GSE1: variants seen among roughly 807,000 people sequenced by gnomAD.
GSE1 encodes Gse1 coiled-coil protein.
GSE1 carries 32 observed loss-of-function variants against 112.6 expected under a neutral mutation model. The observed-to-expected ratio is 0.28, with a 90% confidence interval of 0.21 to 0.38. The LOEUF is 0.38. Ranked by LOEUF, GSE1 falls within the 10% of genes least tolerant of loss-of-function variation. GSE1 has a pLI of 1.00. For synonymous variants in GSE1, 1,115 were observed against 735.6 expected, an observed-to-expected ratio of 1.52 and a Z score of -8.35; for missense variants, 2,348 against 1,699.2, an observed-to-expected ratio of 1.38 and a Z score of -6.71.
intron 2 of GSE1, among the ~76,000 whole-genome samples, chr16:85,430,128 T>C (rs549110979): frequency 5.3e-5 from 8 of 152,340 alleles, no homozygotes; most frequent in South Asian, 4.1e-4. Context: ...CTAGCACTTT[T>C]TGAGCACTTA....
intron 2 of GSE1, among the ~76,000 whole-genome samples, chr16:85,442,490 C>T (rs2049401762): frequency 6.6e-6 from 1 of 151,892 alleles, no homozygotes; most frequent in African/African-American, 2.4e-5. Flanking sequence ...AGAGGGGAGC[C>T]TCGGGCAGGC....
chr16:85,395,000 G>A (rs2047934100), intron 2 of GSE1, among the ~76,000 whole-genome samples: 1 of 152,134 alleles, frequency 6.6e-6, no homozygotes, highest in African/African-American at 2.4e-5. Flanking sequence ...GATGGACAAA[G>A]ACATATAGGA....
chr16:85,186,073 G>A (rs1204337140), intron 1 of GSE1, among the ~76,000 whole-genome samples: 1 of 152,184 alleles, frequency 6.6e-6, no homozygotes, highest in African/African-American at 2.4e-5. Context: ...AGTCACCACT[G>A]ATACTGTTCT....
chr16:85,537,280 C>A (rs978596954), intron 2 of GSE1, among the ~76,000 whole-genome samples: 1 of 152,184 alleles, frequency 6.6e-6, no homozygotes, highest in Non-Finnish European at 1.5e-5. Context: ...TGAAGAGGAG[C>A]CGATCCTGAT....
chr16:85,583,313 C>G (rs979765587), intron 1 of GSE1: 1 of 152,662 alleles, frequency 6.6e-6, no homozygotes, highest in Middle Eastern at 3.3e-3. Flanking sequence ...GCTCTGCCAG[C>G]AGCCCCTGGT....
chr16:85,279,849 C>G (rs1472865095), intron 1 of GSE1, among the ~76,000 whole-genome samples: 1 of 152,164 alleles, frequency 6.6e-6, no homozygotes, highest in Non-Finnish European at 1.5e-5. Flanking sequence ...TTTCAAGAGC[C>G]GCCCATTTCC....
rs916965941 is a variant in GSE1, at chr16:85,671,032, T to C, written c.3453T>C (p.Cys1151=). Residue 1151 remains cysteine, a synonymous_variant, in exon 15 of 16, where the codon TGT becomes TGC. Coordinates refer to ENST00000253458, the MANE Select transcript of GSE1 (RefSeq NM_014615.5). ...NLERQVLQTQ[C]RRLEARHYSL... is the part of the protein sequence containing the mutation. ...AGCGGCAGGTGTTACAGACACAATG[T>C]AGACGACTGGAGGCCCGGCACTACA... 3.1e-6 allele frequency: 5 copies of C among 1,612,652 alleles called. No homozygotes were observed. Among genetic ancestry groups the C allele is most frequent in the South Asian group, 2.2e-5 (2 of 91,050 alleles).
intron 1 of GSE1, among the ~76,000 whole-genome samples, chr16:85,346,543 G>T (rs2046743745): frequency 6.6e-6 from 1 of 151,688 alleles, no homozygotes; most frequent in South Asian, 2.1e-4. Context: ...ATGATAGGCG[G>T]GTGGATGGGT....
chr16:85,472,300 G>A (rs1036801864), intron 2 of GSE1, among the ~76,000 whole-genome samples: 2 of 152,194 alleles, frequency 1.3e-5, no homozygotes, highest in African/African-American at 4.8e-5. Context: ...GCGCAGGGCT[G>A]TGCTCCCTCT....
At chr16:85,365,558 C>T (rs560437582) in intron 2 of GSE1, among the ~76,000 whole-genome samples, 1 of 152,290 alleles carries the variant, frequency 6.6e-6, no homozygotes, top group South Asian at 2.1e-4. Context: ...TCTCTTGGAG[C>T]TTGGGGAGCG....
At chr16:85,599,166 C>A (rs1483625836) in intron 1 of GSE1, among the ~76,000 whole-genome samples, 2 of 152,210 alleles carry the variant, frequency 1.3e-5, no homozygotes, top group Non-Finnish European at 1.5e-5. Flanking sequence ...AGTTACCCGG[C>A]GCTTCCTGGA....
intron 1 of GSE1, among the ~76,000 whole-genome samples, chr16:85,628,206 C>A (rs1054121420): frequency 6.6e-6 from 1 of 152,258 alleles, no homozygotes; most frequent in East Asian, 1.9e-4. Context: ...TACTGAGGAG[C>A]AGCGCTAATT....
At chr16:85,231,173 G>A (rs1219072026) in intron 1 of GSE1, among the ~76,000 whole-genome samples, 1 of 151,268 alleles carries the variant, frequency 6.6e-6, no homozygotes, top group African/African-American at 2.4e-5. Flanking sequence ...AGGACAGATG[G>A]ATGGATGGAT....
intron 1 of GSE1, among the ~76,000 whole-genome samples, chr16:85,192,164 A>C (rs550038651): frequency 3.9e-4 from 60 of 152,360 alleles, no homozygotes; most frequent in Non-Finnish European, 7.1e-4. Context: ...GGGTGGGACC[A>C]TGCTGTACAT....
chr16:85,461,510 G>T (rs555967502), intron 2 of GSE1, among the ~76,000 whole-genome samples: 2 of 152,166 alleles, frequency 1.3e-5, no homozygotes, highest in Admixed American at 6.5e-5. Flanking sequence ...CCACGCAAGG[G>T]GGGGAGGGGG....
intron 2 of GSE1, among the ~76,000 whole-genome samples, chr16:85,402,008 C>T (rs1474626897): frequency 2.6e-5 from 4 of 152,244 alleles, no homozygotes; most frequent in Admixed American, 2.6e-4. Context: ...AGCTGCGCTC[C>T]ATGCCAGGTT....
chr16:85,185,998 CAGATGAGAGT>C (rs1417992033), intron 1 of GSE1, among the ~76,000 whole-genome samples: 1 of 152,208 alleles, frequency 6.6e-6, no homozygotes, highest in East Asian at 1.9e-4. Context: ...TACTGTGTGC[CAGATGAGAGT>C]AGATGGAAGC....
intron 2 of GSE1, among the ~76,000 whole-genome samples, chr16:85,390,799 C>G (rs1422267603): frequency 1.3e-5 from 2 of 151,570 alleles, no homozygotes; most frequent in African/African-American, 4.9e-5. Flanking sequence ...TACCTCCCGG[C>G]TCCTCTGACA....
At chr16:85,646,796 C>G (rs571630163) in intron 2 of GSE1, among the ~76,000 whole-genome samples, 203 of 151,806 alleles carry the variant, frequency 1.3e-3, no homozygotes, top group African/African-American at 4.7e-3. Context: ...CCCCAGGCAG[C>G]AGAGCTTCTG....
Sources: allele counts gnomAD v4.1 joint callset (sites outside exome capture counted in the v4.1 genomes callset), GRCh38; gene constraint gnomAD v4.1.1; transcripts MANE v1.5; gene names NCBI Gene and HGNC (gene_info 2026-07-23, HGNC 2026-07-21).